The following LY6G6F variants were observed in gnomAD, a reference collection of about 807,000 sequenced individuals.
The protein encoded by LY6G6F is lymphocyte antigen 6 complex locus protein G6f.
Under a neutral mutation model 33.0 loss-of-function variants are expected in LY6G6F, and 26 were observed. The observed-to-expected ratio is 0.79, with a 90% CI of 0.58 to 1.09. LY6G6F has a LOEUF of 1.09. Ranked by LOEUF, LY6G6F falls within the 50% of genes least tolerant of loss-of-function variation. The probability of loss-of-function intolerance (pLI) is 0.00; values close to 1 mark genes in which losing one functional copy is unlikely to be tolerated. For synonymous variants in LY6G6F, 132 were observed against 148.1 expected (o/e 0.89, Z 0.79); for missense variants, 317 against 372.0 (o/e 0.85, Z 1.22).
At position 31,707,900 on chromosome 6, in the gene LY6G6F, G is replaced by A; in HGVS notation, c.412G>A (p.Gly138Arg). 1 of 1,613,580 alleles carries A rather than the reference G, an allele frequency of 6.2e-7. No homozygotes were observed. Among genetic ancestry groups the A allele is most frequent in the Non-Finnish European group, 8.5e-7 (1 of 1,179,908 alleles). Residue 138 changes from glycine to arginine, a missense_variant, in exon 3 of 6, where the codon GGA (glycine) becomes AGA (arginine). Gly to Arg is a moderately radical substitution (Grantham distance 125). Transcript: ENST00000375832. The surrounding 1 kb of genome is among the most constrained non-coding windows in gnomAD (Gnocchi z 4.1). ...CCAGTTATCTGCAAGGGCTGCAGAT[G>A]GATCCCCCTGCAATGTCCTCCTGTG... ...GSQLSARAAD[G>R]SPCNVLLCSV...
chr6:31,709,146 C>T (rs1317662043), intron 3 of LY6G6F, among the ~76,000 whole-genome samples: 1 of 135,784 alleles, frequency 7.4e-6, no homozygotes, highest in East Asian at 2.4e-4. Flanking sequence ...GATCTTGGCT[C>T]ACTGCAACCT....
At chr6:31,709,520 A>G (rs953055827) in intron 3 of LY6G6F, among the ~76,000 whole-genome samples, 1 of 151,996 alleles carries the variant, frequency 6.6e-6, no homozygotes, top group Non-Finnish European at 1.5e-5. Context: ...GGTCTCCCAA[A>G]GTGCTGGGAT....
In LY6G6F at chr6:31,710,622, T is replaced by C. The variant is rs1270726621; in HGVS notation, c.*31T>C. On this transcript the variant is annotated 3_prime_UTR_variant, in exon 6 of 6. Coordinates refer to ENST00000375832, the MANE Select transcript of LY6G6F (RefSeq NM_001003693.3). The surrounding 1 kb of genome is among the most constrained non-coding windows in gnomAD (Gnocchi z 4.7). ...GTGACATCTGCTGGGAAGTGTGACC[T>C]GCTGTCTCGCTGGCCATCTGGCACC... 6.2e-7 allele frequency: 1 copy of C among 1,613,800 alleles called. No individual in the cohort carries two copies. The highest frequency in any genetic ancestry group is 8.5e-7 in the Non-Finnish European group (1 of 1,179,936).
chr6:31,708,156 A>T (rs748220492), intron 3 of LY6G6F, 22 bp downstream of exon 3: 2 of 1,516,848 alleles, frequency 1.3e-6, no homozygotes, highest in Non-Finnish European at 1.8e-6. Flanking sequence ...AAGGAGACGG[A>T]AAGGGATGTT....
chr6:31,708,183 CCAAGTAGCTG>C, intron 3 of LY6G6F, 49 bp downstream of exon 3: 1 of 1,502,308 alleles, frequency 6.7e-7, no homozygotes. Flanking sequence ...CTTCAGCCTC[CCAAGTAGCTG>C]GAATTACAGG....
rs768582786 is a variant in LY6G6F at position 31,710,357 on chromosome 6, T to G, written c.808T>G (p.Ser270Ala). The change falls in exon 5 of 6, where the codon TCG becomes GCG. Residue 270 changes from serine (S) to alanine (A), a missense_variant. Physicochemically the swap from Ser to Ala is moderately conservative, Grantham distance 99 (BLOSUM62 1). Transcript: ENST00000375832. This position sits in a 1 kb window ranked among gnomAD's most constrained non-coding sequence, Gnocchi z 4.7. ...TGATGGCTCCTTCTCCCCAGATGCC[T>G]CGATTCCTCAGTTCAAACCCGAAAT... ...RVRGAPGRDA[S>A]IPQFKPEIQV... is the part of the protein sequence containing the mutation. 6.2e-7 allele frequency: 1 copy of G among 1,614,040 alleles called. No individual in the cohort carries two copies. Among genetic ancestry groups the G allele is most frequent in the Non-Finnish European group, 8.5e-7 (1 of 1,180,024 alleles).
Position 31,710,183 on chromosome 6 carries a change from T to A in LY6G6F, c.802+2T>A. The A allele has an allele frequency of 6.2e-7, 1 of 1,609,998 alleles. No individual in the cohort carries two copies. Among genetic ancestry groups the A allele is most frequent in the Non-Finnish European group, 8.5e-7 (1 of 1,177,968 alleles). The stretch of plus-strand genomic sequence containing the variant: ...GGGTCCGTGGGGCTCCAGGCAGAGG[T>A]GAGTCCCTCCCTCCCCGGGGAAAGA... On this transcript the variant is annotated splice_donor_variant, in intron 4 of 5. Coordinates refer to ENST00000375832, the MANE Select transcript of LY6G6F (RefSeq NM_001003693.3). LOFTEE classifies it high-confidence loss of function. This position sits in a 1 kb window ranked among gnomAD's most constrained non-coding sequence, Gnocchi z 4.7.
In LY6G6F at chr6:31,710,016, C is replaced by T. The variant is rs1268870174; in HGVS notation, c.647-10C>T. 3 of 1,609,908 alleles carry T rather than the reference C, an allele frequency of 1.9e-6. No individual in the cohort carries two copies. The highest frequency in any genetic ancestry group is 2.2e-5 in the East Asian group (1 of 44,888). On this transcript the variant is annotated splice_polypyrimidine_tract_variant and intron_variant, in intron 3 of 5. Coordinates refer to ENST00000375832, the MANE Select transcript of LY6G6F (RefSeq NM_001003693.3). This position sits in a 1 kb window ranked among gnomAD's most constrained non-coding sequence, Gnocchi z 4.7. ...TCCCTCCCATCCCTCTGGTCTGGCC[C>T]TTACTACAGCCTCCATCGATGCTTC...
intron 3 of LY6G6F, 96 bp from the exon 4 acceptor site, chr6:31,709,930 C>T: frequency 4.8e-6 from 6 of 1,260,666 alleles, no homozygotes; most frequent in African/African-American, 1.5e-5. Flanking sequence ...GTTGGAAGAG[C>T]CCACCAGACT....
Sources: gnomAD v4.1 joint callset for allele counts (sites outside exome capture counted in the v4.1 genomes callset) on GRCh38, gnomAD v4.1.1 for gene constraint, Gnocchi (gnomAD v3.1) non-coding constraint, MANE v1.5 for transcripts, NCBI Gene and HGNC (gene_info 2026-07-23, HGNC 2026-07-21) for gene names.